The following KCNIP4 variants were observed in gnomAD, a reference collection of about 807,000 sequenced individuals.
The protein encoded by KCNIP4 is Kv channel-interacting protein 4.
A neutral mutation model predicts 34.0 loss-of-function variants in KCNIP4; 12 were observed. That is an observed-to-expected ratio of 0.35 (90% CI 0.23 to 0.57). The LOEUF (loss-of-function observed/expected upper bound fraction) is 0.57. Ranked by LOEUF, KCNIP4 falls within the 20% of genes least tolerant of loss-of-function variation. The probability of loss-of-function intolerance (pLI) is 0.83; values close to 1 mark genes in which losing one functional copy is unlikely to be tolerated. For missense variants in KCNIP4, 238 were observed against 311.7 expected (o/e 0.76, Z 1.78); for synonymous variants, 124 against 102.2 (o/e 1.21, Z -1.29).
intron 1 of KCNIP4, among the ~76,000 whole-genome samples, chr4:21,265,757 G>T (rs890886373): frequency 6.6e-6 from 1 of 152,146 alleles, no homozygotes; most frequent in Non-Finnish European, 1.5e-5. Flanking sequence ...TTTGATGGGT[G>T]GAAGGACACT....
At chr4:21,062,556 C>G (rs1411761750) in intron 1 of KCNIP4, among the ~76,000 whole-genome samples, 1 of 127,156 alleles carries the variant, frequency 7.9e-6, no homozygotes, top group African/African-American at 2.9e-5. Context: ...GTGTGTGTGT[C>G]ACACAGAGAT....
chr4:20,876,916 ACT>A (rs1724110257), intron 2 of KCNIP4, among the ~76,000 whole-genome samples: 1 of 151,996 alleles, frequency 6.6e-6, no homozygotes, highest in South Asian at 2.1e-4. Context: ...AGTCTGACTG[ACT>A]CTTAGTGTGA....
At chr4:21,379,496 G>A (rs1292764039) in intron 1 of KCNIP4, among the ~76,000 whole-genome samples, 6 of 152,110 alleles carry the variant, frequency 3.9e-5, no homozygotes. Context: ...TTCCAACAAT[G>A]CTGCATTTAA....
chr4:21,310,544 T>G (rs1182692000), intron 1 of KCNIP4, among the ~76,000 whole-genome samples: 1 of 152,182 alleles, frequency 6.6e-6, no homozygotes, highest in Non-Finnish European at 1.5e-5. Context: ...ATTGAGTGAA[T>G]AGAAAGCAAA....
chr4:21,587,522 T>C (rs759218616), intron 1 of KCNIP4, among the ~76,000 whole-genome samples: 4 of 148,228 alleles, frequency 2.7e-5, no homozygotes, highest in Non-Finnish European at 5.9e-5. Flanking sequence ...AGTTAGAGCT[T>C]GGGAAATGTG....
intron 1 of KCNIP4, among the ~76,000 whole-genome samples, chr4:21,112,337 T>C (rs1749289235): frequency 6.6e-6 from 1 of 152,138 alleles, no homozygotes; most frequent in Non-Finnish European, 1.5e-5. Context: ...TACCAAGCAA[T>C]CATCATGATC....
intron 1 of KCNIP4, among the ~76,000 whole-genome samples, chr4:21,869,595 C>G (rs1366842478): frequency 6.6e-6 from 1 of 152,060 alleles, no homozygotes; most frequent in Admixed American, 6.6e-5. Flanking sequence ...ATTCCCTGTT[C>G]CTGTATTATG....
At chr4:21,664,721 C>T (rs181795947) in intron 1 of KCNIP4, among the ~76,000 whole-genome samples, 1 of 152,080 alleles carries the variant, frequency 6.6e-6, no homozygotes, top group Admixed American at 6.5e-5. Flanking sequence ...AAATAACATT[C>T]TTAATATAAT....
intron 1 of KCNIP4, among the ~76,000 whole-genome samples, chr4:20,920,849 T>C (rs1305930331): frequency 1.3e-5 from 2 of 151,900 alleles, no homozygotes; most frequent in African/African-American, 4.8e-5. Context: ...GTAAGCCAGG[T>C]GTGGTGGTGC....
At chr4:20,798,739 C>G (rs2149413923) in intron 3 of KCNIP4, among the ~76,000 whole-genome samples, 1 of 152,274 alleles carries the variant, frequency 6.6e-6, no homozygotes, top group Non-Finnish European at 1.5e-5. Flanking sequence ...GGGAGGACTC[C>G]TTTCTGCAGG....
chr4:21,063,129 T>C (rs1381366225), intron 1 of KCNIP4, among the ~76,000 whole-genome samples: 2 of 152,074 alleles, frequency 1.3e-5, no homozygotes, highest in Non-Finnish European at 2.9e-5. Flanking sequence ...TACCAGATGC[T>C]AGGGAGAGGC....
chr4:21,730,928 C>T (rs1255770220), intron 1 of KCNIP4, among the ~76,000 whole-genome samples: 2 of 151,926 alleles, frequency 1.3e-5, no homozygotes, highest in Non-Finnish European at 2.9e-5. Flanking sequence ...GCCTGGACAA[C>T]CTGGCAAAAC....
intron 1 of KCNIP4, among the ~76,000 whole-genome samples, chr4:21,466,889 C>A (rs13127669): frequency 0.12 from 17,943 of 152,052 alleles, 1,246 homozygotes; most frequent in South Asian, 0.16. Context: ...CTAATCCTGG[C>A]AGAGACAATA....
intron 1 of KCNIP4, among the ~76,000 whole-genome samples, chr4:20,940,323 T>A (rs1731513583): frequency 6.6e-6 from 1 of 152,230 alleles, no homozygotes; most frequent in Non-Finnish European, 1.5e-5. Context: ...ATCTTATGTC[T>A]GTCTCCTCAA....
At chr4:21,677,677 G>C (rs1034932182) in intron 1 of KCNIP4, among the ~76,000 whole-genome samples, 3 of 152,130 alleles carry the variant, frequency 2.0e-5, no homozygotes, top group African/African-American at 7.2e-5. Context: ...TGCCATATCA[G>C]CAATGCTTTC....
At chr4:21,917,977 G>A (rs984165414) in intron 1 of KCNIP4, among the ~76,000 whole-genome samples, 1 of 152,120 alleles carries the variant, frequency 6.6e-6, no homozygotes, top group Non-Finnish European at 1.5e-5. Context: ...CTACAAGATG[G>A]ACACTAAAAT....
chr4:21,826,514 A>G (rs1283175290), intron 1 of KCNIP4, among the ~76,000 whole-genome samples: 3 of 152,142 alleles, frequency 2.0e-5, no homozygotes, highest in Non-Finnish European at 4.4e-5. Context: ...CTAGTCAACA[A>G]GGTGTTTTTT....
rs187283449 is a variant in KCNIP4, at chr4:21,738,846, A to G, written c.61+209725T>C. 3.5e-3 allele frequency among the ~76,000 whole-genome samples: 536 copies of G among 152,286 alleles called. 1 individual carries two copies. The highest frequency in any genetic ancestry group is 6.4e-3 in the Non-Finnish European group (435 of 68,014). On this transcript the variant is annotated intron_variant, in intron 1 of 8. Coordinates refer to ENST00000382152, the MANE Select transcript of KCNIP4 (RefSeq NM_025221.6). ...GTTATTATTCTGTAGACAACGGCAT[A>G]AGATATATAGACATACATGATGATC...
chr4:20,732,825 T>G, intron 6 of KCNIP4, 40 bp from the exon 7 acceptor site: 1 of 1,219,254 alleles, frequency 8.2e-7, no homozygotes, highest in Non-Finnish European at 1.2e-6. Flanking sequence ...TGCACACATG[T>G]ATGAAGAAAC....
Sources: allele counts gnomAD v4.1 joint callset (sites outside exome capture counted in the v4.1 genomes callset), GRCh38; gene constraint gnomAD v4.1.1; transcripts MANE v1.5; gene names NCBI Gene and HGNC (gene_info 2026-07-23, HGNC 2026-07-21).